UNC13C: variants seen among roughly 807,000 people sequenced by gnomAD.
The protein encoded by UNC13C is protein unc-13 homolog C.
Under a neutral mutation model 245.4 loss-of-function variants are expected in UNC13C, and 174 were observed. The observed-to-expected ratio is 0.71, with a 90% confidence interval of 0.63 to 0.80. UNC13C has a LOEUF of 0.80. Ranked by LOEUF, UNC13C falls within the 30% of genes least tolerant of loss-of-function variation. The pLI, the probability that UNC13C is intolerant of heterozygous loss-of-function variation, is 0.00. For synonymous variants in UNC13C, 992 were observed against 895.1 expected (o/e 1.11, Z -1.93); for missense variants, 2,829 against 2,602.9 (o/e 1.09, Z -1.89).
rs113045112 is a variant in UNC13C, at chr15:54,355,402, G to A, written c.4713+16913G>A. On this transcript the variant is annotated intron_variant, in intron 17 of 32. Transcript: ENST00000260323. ...TACAGAGTCTCACTTTATCACCCAG[G>A]GTGGAGTGCCATGGCGCGATCTCGG... 7.9e-3 allele frequency among the ~76,000 whole-genome samples: 1,206 copies of A among 151,874 alleles called. 11 individuals carry two copies. The highest frequency in any genetic ancestry group is 0.028 in the African/African-American group (1,152 of 41,420).
intron 10 of UNC13C, among the ~76,000 whole-genome samples, chr15:54,276,265 T>A (rs2036829009): frequency 6.6e-6 from 1 of 152,124 alleles, no homozygotes; most frequent in East Asian, 1.9e-4. Flanking sequence ...CTAAAAATAT[T>A]GTACATTTCA....
chr15:54,288,926 G>A (rs1212816393), intron 10 of UNC13C, among the ~76,000 whole-genome samples: 1 of 152,056 alleles, frequency 6.6e-6, no homozygotes. Context: ...ATATGCCAGG[G>A]TGAGAATGCA....
At chr15:54,224,867 A>C (rs1372800334) in intron 4 of UNC13C, among the ~76,000 whole-genome samples, 1 of 151,980 alleles carries the variant, frequency 6.6e-6, no homozygotes, top group African/African-American at 2.4e-5. Flanking sequence ...TTCCTGGTTT[A>C]ATTTTTGTAG....
intron 29 of UNC13C, among the ~76,000 whole-genome samples, chr15:54,560,144 T>G: frequency 6.6e-6 from 1 of 152,012 alleles, no homozygotes; most frequent in Non-Finnish European, 1.5e-5. Flanking sequence ...CAAAATGAGC[T>G]GTCTGCCTGG....
the UNC13C span, among the ~76,000 whole-genome samples, chr15:53,877,116 C>G: frequency 1.3e-5 from 2 of 152,170 alleles, no homozygotes; most frequent in Non-Finnish European, 2.9e-5. Context: ...TGGTTTCTGT[C>G]AGTAATATAG....
rs117756813 is a variant in UNC13C at position 54,143,232 on chromosome 15, C to T, written c.3006+192C>T. 1.2e-3 allele frequency among the ~76,000 whole-genome samples: 179 copies of T among 152,200 alleles called. 3 individuals are homozygous for T. The East Asian group carries it at 0.033, about 28-fold the overall frequency. ...CACTTATGGAGAGGTCACACCTTGC[C>T]AGCTGCGCTTACCTTAGCTATACTT... On this transcript the variant is annotated intron_variant, in intron 3 of 32. Transcript: ENST00000260323.
chr15:54,124,472 T>C (rs763357272), intron 2 of UNC13C, among the ~76,000 whole-genome samples: 1 of 152,246 alleles, frequency 6.6e-6, no homozygotes, highest in African/African-American at 2.4e-5. Context: ...TTTTGCCAGT[T>C]TCCATATTAG....
the UNC13C span, chr15:53,911,483 A>G: frequency 1.3e-5 from 2 of 152,152 alleles, no homozygotes; most frequent in Non-Finnish European, 1.5e-5. Context: ...TATAGTGCTT[A>G]TACCCCCACT....
intron 30 of UNC13C, among the ~76,000 whole-genome samples, chr15:54,621,394 TAAAC>T (rs1256146682): frequency 1.3e-5 from 2 of 152,178 alleles, no homozygotes; most frequent in African/African-American, 2.4e-5. Flanking sequence ...AGCAAGGAAT[TAAAC>T]AATTGAAATA....
intron 4 of UNC13C, among the ~76,000 whole-genome samples, chr15:54,194,272 C>CA (rs922200536): frequency 6.6e-6 from 1 of 152,084 alleles, no homozygotes; most frequent in Non-Finnish European, 1.5e-5. Context: ...GGTTCTTAGG[C>CA]AAATGCTGTT....
At chr15:54,309,207 G>A (rs1468222103) in intron 13 of UNC13C, among the ~76,000 whole-genome samples, 1 of 151,816 alleles carries the variant, frequency 6.6e-6, no homozygotes, top group Non-Finnish European at 1.5e-5. Context: ...TCCAATAGGA[G>A]TGAGGTGATA....
chr15:53,879,751 T>C, the UNC13C span, among the ~76,000 whole-genome samples: 21 of 152,230 alleles, frequency 1.4e-4, no homozygotes, highest in Middle Eastern at 3.4e-3. Flanking sequence ...CCATGCCAGC[T>C]AATGTTTGTA....
chr15:54,488,046 AG>A (rs1422818644), intron 19 of UNC13C, among the ~76,000 whole-genome samples: 1 of 152,150 alleles, frequency 6.6e-6, no homozygotes, highest in African/African-American at 2.4e-5. Flanking sequence ...ATCTTTATAA[AG>A]TTTCTCTAAA....
intron 2 of UNC13C, among the ~76,000 whole-genome samples, chr15:54,024,566 CATTG>C (rs1253367987): frequency 2.0e-5 from 3 of 152,050 alleles, no homozygotes; most frequent in Non-Finnish European, 2.9e-5. Flanking sequence ...GAGCTAAATG[CATTG>C]ATTGAGTTCT....
chr15:54,165,018 G>A lies in UNC13C; in HGVS notation c.3071+21334G>A, dbSNP rs1013280424. On this transcript the variant is annotated intron_variant, in intron 4 of 32. Transcript: ENST00000260323. ...GAGGTAAGTAGAGTGGACAGTTTGTGTATGTGTGTTATTTTAAAATCAATA... is the reference window on the plus strand; with the variant it reads ...GAGGTAAGTAGAGTGGACAGTTTGTATATGTGTGTTATTTTAAAATCAATA... 3.3e-5 allele frequency among the ~76,000 whole-genome samples: 5 copies of A among 152,144 alleles called. No homozygotes were observed. The East Asian group carries it at 9.6e-4, about 29-fold the overall frequency.
intron 2 of UNC13C, among the ~76,000 whole-genome samples, chr15:54,085,687 TC>T (rs1899200195): frequency 6.6e-6 from 1 of 152,150 alleles, no homozygotes. Flanking sequence ...CCTCAAGTGA[TC>T]CTCTTGCCTT....
intron 13 of UNC13C, among the ~76,000 whole-genome samples, chr15:54,319,904 A>T (rs1256433648): frequency 6.6e-6 from 1 of 152,000 alleles, no homozygotes; most frequent in Non-Finnish European, 1.5e-5. Context: ...GAAGTAACAA[A>T]CTTGGACCCT....
At chr15:53,946,673 G>GTT in the UNC13C span, among the ~76,000 whole-genome samples, 822 of 99,234 alleles carry the variant, frequency 8.3e-3, 8 homozygotes, top group African/African-American at 0.024. Flanking sequence ...GTGAGCTGAG[G>GTT]TTTTTTTTTT....
intron 2 of UNC13C, among the ~76,000 whole-genome samples, chr15:54,116,434 C>A (rs1010268851): frequency 6.6e-6 from 1 of 152,150 alleles, no homozygotes; most frequent in Non-Finnish European, 1.5e-5. Flanking sequence ...CCTCTTCCCC[C>A]ATACCCTTCC....
Sources: gnomAD v4.1 joint callset for allele counts (sites outside exome capture counted in the v4.1 genomes callset) on GRCh38, gnomAD v4.1.1 for gene constraint, MANE v1.5 for transcripts, NCBI Gene and HGNC (gene_info 2026-07-23, HGNC 2026-07-21) for gene names.